Variants in PUF60 observed in about 807,000 individuals in gnomAD.
PUF60 encodes poly(U) binding splicing factor 60.
Under a neutral mutation model 61.8 loss-of-function variants are expected in PUF60, and 10 were observed. The ratio of observed to expected loss-of-function variants is 0.16; its 90% CI spans 0.10 to 0.27. The LOEUF (loss-of-function observed/expected upper bound fraction) is 0.27. PUF60 is among the 10% of genes least tolerant of loss of function. The pLI is 1.00. For synonymous variants in PUF60, 353 were observed against 300.9 expected (o/e 1.17, Z -1.79); for missense variants, 371 against 754.0 (o/e 0.49, Z 5.95).
At chr8:143,819,245 C>A (rs1478659786) in intron 5 of PUF60, among the ~76,000 whole-genome samples, 14 of 152,170 alleles carry the variant, frequency 9.2e-5, no homozygotes, top group Admixed American at 7.8e-4. Context: ...AGAGACCCTA[C>A]GAGAAGCCCC....
In PUF60 at chr8:143,826,498, T is replaced by C. The variant is rs184203441; in HGVS notation, c.25-2099A>G. 1.1e-3 allele frequency among the ~76,000 whole-genome samples: 172 copies of C among 152,290 alleles called. 2 individuals carry two copies. The East Asian group carries it at 0.027, about 24-fold the overall frequency. Reference sequence around the variant, plus strand: ...GGGAGGCCGAGGCAGGTGGATTGCTTGAGGTCAGGAGTTGGAGACCAGCCT... The same window carrying C: ...GGGAGGCCGAGGCAGGTGGATTGCTCGAGGTCAGGAGTTGGAGACCAGCCT... On this transcript the variant is annotated intron_variant, in intron 1 of 11. Transcript: ENST00000526683.
At position 143,817,760 on chromosome 8, in the gene PUF60, GGAC is replaced by G; in HGVS notation, c.837_839del (p.Ser280del). 1 of 1,611,906 alleles carries G rather than the reference GGAC, an allele frequency of 6.2e-7. No individual in the cohort carries two copies. Among genetic ancestry groups the G allele is most frequent in the Non-Finnish European group, 8.5e-7 (1 of 1,179,516 alleles). On this transcript the variant is annotated inframe_deletion, in exon 9 of 12. Transcript: ENST00000526683. The surrounding 1 kb of genome is among the most constrained non-coding windows in gnomAD (Gnocchi z 7.4). Reference sequence around the variant, plus strand: ...GGTTCATGGAAGACACAGCATCTTGGGACGACTGGGCCTTCTCGTACTCTGTGG... The same window carrying G: ...GGTTCATGGAAGACACAGCATCTTGGGACTGGGCCTTCTCGTACTCTGTGG...
At position 143,817,118 on chromosome 8, in the gene PUF60, G is replaced by A. The variant is rs1270540693; in HGVS notation, c.1172C>T (p.Pro391Leu). The A allele has an allele frequency of 1.2e-6, 2 of 1,608,328 alleles. No individual in the cohort carries two copies. The highest frequency in any genetic ancestry group is 1.7e-6 in the Non-Finnish European group (2 of 1,177,700). ...CACTCCCACCGAGGGGATGGTGACC[G>A]GGATAGGAGGACGGGCTGGGGTCAC... Reference protein sequence around the residue: ...TGVTPARPPIPVTIPSVGVVN... With the variant: ...TGVTPARPPILVTIPSVGVVN... The change falls in exon 11 of 12, where the codon CCG (proline) becomes CTG (leucine). Residue 391 changes from proline (P) to leucine (L), a missense_variant. Physicochemically the swap from Pro to Leu is moderately conservative, Grantham distance 98 (BLOSUM62 -3). Around this residue, in one of 13 missense-constraint regions of PUF60, gnomAD observed 68 missense variants for 69.4 expected, o/e 0.98. Coordinates refer to ENST00000526683, the MANE Select transcript of PUF60 (RefSeq NM_078480.3). The surrounding 1 kb of genome is among the most constrained non-coding windows in gnomAD (Gnocchi z 7.4).
intron 1 of PUF60, chr8:143,827,378 G>A: frequency 4.4e-6 from 2 of 456,260 alleles, no homozygotes; most frequent in Non-Finnish European, 4.4e-6. Flanking sequence ...GCATCCAGAA[G>A]ACCTACCCTT....
At position 143,824,335 on chromosome 8, in the gene PUF60, CCCGCTGCCA is replaced by C; in HGVS notation, c.80_88del (p.Val27_Ala29del). ...TACCTGTGGAGGTTTCCATTTGTCT[CCCGCTGCCA>C]CCACTGCCGCCGCCGCCGCCGGCTC... On this transcript the variant is annotated inframe_deletion, in exon 2 of 12. Transcript: ENST00000526683. 4 of 1,612,294 alleles carry C rather than the reference CCCGCTGCCA, an allele frequency of 2.5e-6. No individual in the cohort carries two copies. The highest frequency in any genetic ancestry group is 3.4e-6 in the Non-Finnish European group (4 of 1,179,616).
chr8:143,819,926 T>C (rs1816820334), intron 5 of PUF60, among the ~76,000 whole-genome samples: 1 of 152,138 alleles, frequency 6.6e-6, no homozygotes. Flanking sequence ...ACAAGGCGTG[T>C]GTTGCCCCAT....
In PUF60 at chr8:143,820,569, G is replaced by A. The variant is rs997529951; in HGVS notation, c.348+97C>T. 10 of 1,357,592 alleles carry A rather than the reference G, an allele frequency of 7.4e-6. No homozygotes were observed. In the African/African-American group the frequency reaches 1.1e-4, roughly 16 times the overall value. 84.1% of individuals were successfully genotyped at this position (1,357,592 alleles called of 1,614,324 possible). On this transcript the variant is annotated intron_variant, in intron 5 of 11. Transcript: ENST00000526683. ...CGTCCAGAGCTGGCGGGCAGGGCCG[G>A]CCAGGGGAGCAAGGTCCCCAGCACG...
In PUF60 at chr8:143,817,971, G is replaced by A. The variant is rs1162747591; in HGVS notation, c.708C>T (p.Asp236=). The A allele has an allele frequency of 1.9e-6, 3 of 1,612,790 alleles. No individual in the cohort carries two copies. The highest frequency in any genetic ancestry group is 1.1e-5 in the South Asian group (1 of 91,078). ...CGCTCTTGATGTCATCGTCTGAGAG[G>A]TCCTGGTGCACAGAGGCCACGTAGA... ...NRIYVASVHQ[D]LSDDDIKSVF... The change falls in exon 8 of 12, where the codon GAC becomes GAT. Residue 236 remains aspartate (D), a synonymous_variant. Transcript: ENST00000526683. This position sits in a 1 kb window ranked among gnomAD's most constrained non-coding sequence, Gnocchi z 7.4.
At chr8:143,828,083 G>A (rs1384362131) in intron 1 of PUF60, among the ~76,000 whole-genome samples, 5 of 152,222 alleles carry the variant, frequency 3.3e-5, no homozygotes, top group East Asian at 3.8e-4. Flanking sequence ...CAAGAGAAAG[G>A]ACATAGTAGA....
rs950115571 is a variant in PUF60, at chr8:143,816,447, G to A, written c.*73C>T. 47 of 1,514,260 alleles carry A rather than the reference G, an allele frequency of 3.1e-5. No individual in the cohort carries two copies. The highest frequency in any genetic ancestry group is 3.6e-5 in the Non-Finnish European group (41 of 1,129,198). The allele number at this position is 1,514,260 out of a possible 1,614,324, so 93.8% of individuals were successfully genotyped here. On this transcript the variant is annotated 3_prime_UTR_variant, in exon 12 of 12. Transcript: ENST00000526683. ...GCTGGGCAGAGCGCGCCTGGCCCCG[G>A]GGACACCACTGTATCACTATAAAAC... is the stretch of plus-strand genomic sequence containing the variant.
chr8:143,827,713 AAC>A (rs1563846567), intron 1 of PUF60, among the ~76,000 whole-genome samples: 1 of 152,242 alleles, frequency 6.6e-6, no homozygotes, highest in Non-Finnish European at 1.5e-5. Flanking sequence ...ACGATAAAAA[AAC>A]ACGTATTAAA....
intron 2 of PUF60, chr8:143,822,730 G>A: frequency 2.7e-6 from 1 of 366,068 alleles, no homozygotes; most frequent in Non-Finnish European, 5.5e-6. Context: ...CCATCTCTAA[G>A]CTTTTTGCAG....
In PUF60 at chr8:143,821,850, G is replaced by C. The variant is rs912975181; in HGVS notation, c.175C>G (p.Leu59Val). Residue 59 changes from leucine (L) to valine (V), a missense_variant, in exon 3 of 12, where the codon CTG (leucine) becomes GTG (valine). Around this residue, in one of 13 missense-constraint regions of PUF60, gnomAD observed 16 missense variants for 26.9 expected, o/e 0.60. Transcript: ENST00000526683. ...STAAKLGLPPLTPEQQEALQK... is the reference protein window; with the variant it reads ...STAAKLGLPPVTPEQQEALQK... ...AGGGCCTCCTGCTGCTCGGGCGTCAGGGGAGGCAGCCCCAGCTTGGCGGCT... is the reference window on the plus strand; with the variant it reads ...AGGGCCTCCTGCTGCTCGGGCGTCACGGGAGGCAGCCCCAGCTTGGCGGCT... 8.1e-6 allele frequency: 13 copies of C among 1,611,026 alleles called. No homozygotes were observed. The highest frequency in any genetic ancestry group is 1.1e-5 in the Non-Finnish European group (13 of 1,179,442).
chr8:143,821,460 C>G, intron 4 of PUF60, 137 bp downstream of exon 4: 1 of 836,846 alleles, frequency 1.2e-6, no homozygotes, highest in Non-Finnish European at 1.9e-6. Flanking sequence ...CCGGGGGTCC[C>G]GAGCATGAGT....
At chr8:143,824,185 A>T (rs1817353870) in intron 2 of PUF60, 128 bp downstream of exon 2, 1 of 920,120 alleles carries the variant, frequency 1.1e-6, no homozygotes. Context: ...AGAGGCAGAG[A>T]AGGGTTCCCG....
At chr8:143,820,356 C>T (rs1204778637) in intron 5 of PUF60, 21 of 464,494 alleles carry the variant, frequency 4.5e-5, no homozygotes, top group African/African-American at 2.2e-4. Context: ...ACACCCCGTG[C>T]GTGCAGGTGG....
rs531179420 is a variant in PUF60 at position 143,817,212 on chromosome 8, C to T, written c.1145-67G>A. The T allele has an allele frequency of 1.2e-5, 19 of 1,521,340 alleles. No homozygotes were observed. In the East Asian group the frequency reaches 4.2e-4, roughly 34 times the overall value. The allele number at this position is 1,521,340 out of a possible 1,614,324, so 94.2% of individuals were successfully genotyped here. A position where few individuals can be genotyped will look rare whatever the true frequency, so the allele number is the denominator to read the frequency against. ...CCCCCCTTCCCAGAAAGGCACAGAG[C>T]TGGCCTGCCCTGGGCTCAGAGGGTT... On this transcript the variant is annotated intron_variant, in intron 10 of 11. Transcript: ENST00000526683. The surrounding 1 kb of genome is among the most constrained non-coding windows in gnomAD (Gnocchi z 7.4).
chr8:143,824,588 G>A, intron 1 of PUF60, 189 bp from the exon 2 acceptor site: 2 of 607,604 alleles, frequency 3.3e-6, no homozygotes, highest in Admixed American at 2.9e-5. Context: ...CAGGGACCCA[G>A]TCAGAAGCAG....
chr8:143,821,603 G>A lies in PUF60; in HGVS notation c.291C>T (p.Asn97=), dbSNP rs2130329074. ...GGCTCCGGCCGGGGCTCACCTGCAG[G>A]TTGGTGAGCTGCTGCTGCTGGTGCG... The part of the protein sequence containing the change: ...TIAHQQQQLT[N]LQMAAVTMGF... Residue 97 remains asparagine (N), a synonymous_variant, in exon 4 of 12, where the codon AAC becomes AAT. Coordinates refer to ENST00000526683, the MANE Select transcript of PUF60 (RefSeq NM_078480.3). 2 of 1,543,000 alleles carry A rather than the reference G, an allele frequency of 1.3e-6. No homozygotes were observed. The highest frequency in any genetic ancestry group is 2.4e-5 in the East Asian group (1 of 40,942).
Sources: allele counts gnomAD v4.1 joint callset (sites outside exome capture counted in the v4.1 genomes callset), GRCh38; gene constraint gnomAD v4.1.1; regional missense constraint gnomAD v4.1.1; non-coding constraint Gnocchi (gnomAD v3.1); transcripts MANE v1.5; gene names NCBI Gene and HGNC (gene_info 2026-07-23, HGNC 2026-07-21).